The following TMEM63B variants were observed in gnomAD, a reference collection of about 807,000 sequenced individuals.
The protein encoded by TMEM63B is mechanosensitive cation channel TMEM63B.
TMEM63B carries 23 observed loss-of-function variants against 102.6 expected under a neutral mutation model. The observed-to-expected ratio is 0.22, with a 90% confidence interval of 0.16 to 0.32. The LOEUF (loss-of-function observed/expected upper bound fraction) is 0.32. Among genes scored for constraint, TMEM63B ranks in the 10% least tolerant of loss-of-function variants. The probability of loss-of-function intolerance (pLI) is 1.00; values close to 1 mark genes in which losing one functional copy is unlikely to be tolerated. For missense variants in TMEM63B, 628 were observed against 1,095.9 expected (o/e 0.57, Z 6.03); for synonymous variants, 444 against 437.0 (o/e 1.02, Z -0.20).
At chr6:44,139,855 C>A in intron 8 of TMEM63B, 96 bp downstream of exon 8, 1 of 1,484,306 alleles carries the variant, frequency 6.7e-7, no homozygotes, top group Non-Finnish European at 9.4e-7. Context: ...TTGATGGGAG[C>A]AGAGCCTACA....
At chr6:44,139,890 C>A in intron 8 of TMEM63B, 131 bp downstream of exon 8, 1 of 1,167,858 alleles carries the variant, frequency 8.6e-7, no homozygotes, top group Non-Finnish European at 1.3e-6. Flanking sequence ...TCCCTGAGGG[C>A]TTGGGTTGGA....
At chr6:44,147,977 G>A (rs1206207262) in intron 12 of TMEM63B, among the ~76,000 whole-genome samples, 1 of 152,192 alleles carries the variant, frequency 6.6e-6, no homozygotes, top group Non-Finnish European at 1.5e-5. Flanking sequence ...ACAAAAATTA[G>A]CCAGGCATGG....
intron 20 of TMEM63B, 80 bp from the exon 21 acceptor site, chr6:44,153,596 G>A: frequency 1.2e-5 from 19 of 1,530,250 alleles, no homozygotes; most frequent in Non-Finnish European, 1.7e-5. Flanking sequence ...GCACTCTCAG[G>A]ACCAGAACAA....
At chr6:44,154,531 C>T in intron 23 of TMEM63B, 86 bp downstream of exon 23, 9 of 1,561,228 alleles carry the variant, frequency 5.8e-6, no homozygotes, top group South Asian at 1.1e-5. Context: ...AAAGGGGAAC[C>T]TGTGCCAGAC....
intron 10 of TMEM63B, among the ~76,000 whole-genome samples, chr6:44,142,831 C>T (rs9357431): frequency 1.3e-5 from 2 of 152,124 alleles, no homozygotes. Flanking sequence ...GACAACATGT[C>T]GAAACTCCAT....
rs183145241 is a variant in TMEM63B at position 44,129,000 on chromosome 6, T to C, written c.-25+1322T>C. ...CAAGTTCTCTCCAAGTATAGCAGAG[T>C]CTTAGAGACCTGCGTTCAAATTCTA... On this transcript the variant is annotated intron_variant, in intron 1 of 23. Coordinates refer to ENST00000323267, the MANE Select transcript of TMEM63B (RefSeq NM_018426.3). 1.4e-3 allele frequency among the ~76,000 whole-genome samples: 212 copies of C among 152,182 alleles called. 2 individuals are homozygous for C. The highest frequency in any genetic ancestry group is 4.8e-3 in the African/African-American group (200 of 41,498).
chr6:44,150,127 C>T lies in TMEM63B; in HGVS notation c.1521-97C>T. The T allele has an allele frequency of 7.1e-7, 1 of 1,405,620 alleles. No individual in the cohort carries two copies. Among genetic ancestry groups the T allele is most frequent in the Non-Finnish European group, 9.9e-7 (1 of 1,008,844 alleles). 87.1% of individuals were successfully genotyped at this position (1,405,620 alleles called of 1,614,324 possible). Reference sequence around the variant, plus strand: ...CCCTCACCTTGGGAGGCCCACCCTTCCCAGGGGACACTCCTTGGACATTGT... The same window carrying T: ...CCCTCACCTTGGGAGGCCCACCCTTTCCAGGGGACACTCCTTGGACATTGT... On this transcript the variant is annotated intron_variant, in intron 16 of 23. Transcript: ENST00000323267. This position sits in a 1 kb window ranked among gnomAD's most constrained non-coding sequence, Gnocchi z 4.7.
At chr6:44,136,485 A>G (rs767772279) in intron 5 of TMEM63B, 46 bp downstream of exon 5, 21 of 1,144,832 alleles carry the variant, frequency 1.8e-5, no homozygotes, top group Non-Finnish European at 2.5e-5. Context: ...CCCCACCCCC[A>G]GGGCACATGG....
At chr6:44,128,780 G>A (rs758672030) in intron 1 of TMEM63B, among the ~76,000 whole-genome samples, 21 of 152,216 alleles carry the variant, frequency 1.4e-4, no homozygotes, top group Admixed American at 5.2e-4. Flanking sequence ...TGTCAGCCAG[G>A]CTTCAAGTGG....
chr6:44,139,489 T>C lies in TMEM63B; in HGVS notation c.430T>C (p.Cys144Arg). 1.2e-6 allele frequency: 2 copies of C among 1,614,066 alleles called. No individual in the cohort carries two copies. The highest frequency in any genetic ancestry group is 1.7e-6 in the Non-Finnish European group (2 of 1,180,016). Residue 144 changes from cysteine (C) to arginine (R), a missense_variant, in exon 7 of 24, where the codon TGT (cysteine) becomes CGT (arginine). Physicochemically the swap from Cys to Arg is radical, Grantham distance 180. Transcript: ENST00000323267. ...CAGGGATGATGAGATCCGGGACAAA[T>C]GTGGGGGCGATGCCGTGCACTACCT... is the stretch of plus-strand genomic sequence containing the variant. ...RIKDDEIRDKCGGDAVHYLSF... is the reference protein window; with the variant it reads ...RIKDDEIRDKRGGDAVHYLSF...
intron 5 of TMEM63B, 98 bp from the exon 6 acceptor site, chr6:44,138,382 G>A (rs180792464): frequency 1.4e-6 from 2 of 1,475,786 alleles, no homozygotes; most frequent in South Asian, 1.1e-5. Flanking sequence ...TGGAAGCTAT[G>A]CCTGGAGGTA....
At position 44,127,691 on chromosome 6, in the gene TMEM63B, C is replaced by T. The variant is rs1254980248; in HGVS notation, c.-25+13C>T. 1 of 150,698 alleles carries T rather than the reference C, an allele frequency of 6.6e-6. No individual in the cohort carries two copies. Among genetic ancestry groups the T allele is most frequent in the Non-Finnish European group, 1.5e-5 (1 of 67,508 alleles). The allele number at this position is 150,698 out of a possible 1,614,324, so 9.3% of individuals were successfully genotyped here. A position where few individuals can be genotyped will look rare whatever the true frequency, so the allele number is the denominator to read the frequency against. On this transcript the variant is annotated intron_variant, in intron 1 of 23. Coordinates refer to ENST00000323267, the MANE Select transcript of TMEM63B (RefSeq NM_018426.3). Reference sequence around the variant, plus strand: ...TCTGCGCCTGGGGGTGAGTACGCGACCCCTACCCAGCCCTCGCTCTTTTCT... The same window carrying T: ...TCTGCGCCTGGGGGTGAGTACGCGATCCCTACCCAGCCCTCGCTCTTTTCT...
intron 18 of TMEM63B, 115 bp from the exon 19 acceptor site, chr6:44,151,731 C>A: frequency 7.9e-7 from 1 of 1,271,186 alleles, no homozygotes; most frequent in East Asian, 2.4e-5. Context: ...CTGGGGGTGT[C>A]CACATGGAAG....
At chr6:44,139,667 CCT>C (rs1763825221) in intron 7 of TMEM63B, 39 bp from the exon 8 acceptor site, 2 of 1,614,052 alleles carry the variant, frequency 1.2e-6, no homozygotes, top group Non-Finnish European at 1.7e-6. Context: ...GGGGATGTGC[CCT>C]GACCCCACCA....
rs2277127 is a variant in TMEM63B, at chr6:44,154,210, C to T, written c.2226+22C>T. ...CAAGGTGTGGGGCAAGGGTGGCAGG[C>T]GGATGGCTGCGGGCAGGAGCTCAAG... is the stretch of plus-strand genomic sequence containing the variant. On this transcript the variant is annotated intron_variant, in intron 22 of 23. Transcript: ENST00000323267. 79,958 of 1,609,878 alleles carry T rather than the reference C, an allele frequency of 0.05. 4,372 individuals are homozygous for T. Among genetic ancestry groups the T allele is most frequent in the East Asian group, 0.26 (11,567 of 44,840 alleles).
intron 1 of TMEM63B, among the ~76,000 whole-genome samples, chr6:44,130,043 A>G (rs1582751600): frequency 6.6e-6 from 1 of 152,168 alleles, no homozygotes; most frequent in East Asian, 1.9e-4. Context: ...TGAAATCACA[A>G]ACCCAAGGCC....
chr6:44,141,157 TGAACTCTAA>T, intron 10 of TMEM63B, 59 bp downstream of exon 10: 1 of 1,531,960 alleles, frequency 6.5e-7, no homozygotes, highest in Non-Finnish European at 9.0e-7. Flanking sequence ...TCTCTGCCTT[TGAACTCTAA>T]GAACATCCTT....
At chr6:44,142,472 G>A (rs780773578) in intron 10 of TMEM63B, among the ~76,000 whole-genome samples, 2 of 152,144 alleles carry the variant, frequency 1.3e-5, no homozygotes, top group Non-Finnish European at 2.9e-5. Context: ...AGAGGTTGCA[G>A]TGAGCCGAGA....
In TMEM63B at chr6:44,152,656, G is replaced by A; in HGVS notation, c.1900G>A (p.Val634Ile). The change falls in exon 20 of 24, where the codon GTC (valine) becomes ATC (isoleucine). Residue 634 changes from valine to isoleucine, a missense_variant. Val to Ile is a conservative substitution (Grantham distance 29). Around this residue, in one of 6 missense-constraint regions of TMEM63B, gnomAD observed 90 missense variants for 136.7 expected, o/e 0.66. Coordinates refer to ENST00000323267, the MANE Select transcript of TMEM63B (RefSeq NM_018426.3). This position sits in a 1 kb window ranked among gnomAD's most constrained non-coding sequence, Gnocchi z 6.4. ...YAWMMCVFTVVMTYSITCPII... is the reference protein window; with the variant it reads ...YAWMMCVFTVIMTYSITCPII... ...CTGGATGATGTGCGTCTTCACGGTG[G>A]TCATGACCTACAGTATCACCTGCCC... The A allele has an allele frequency of 6.2e-7, 1 of 1,608,188 alleles. No individual in the cohort carries two copies.
Sources: gnomAD v4.1 joint callset for allele counts (sites outside exome capture counted in the v4.1 genomes callset) on GRCh38, gnomAD v4.1.1 for gene constraint, gnomAD v4.1.1 regional missense constraint, Gnocchi (gnomAD v3.1) non-coding constraint, MANE v1.5 for transcripts, NCBI Gene and HGNC (gene_info 2026-07-23, HGNC 2026-07-21) for gene names.